The following ENAH variants were observed in gnomAD, a reference collection of about 807,000 sequenced individuals.
ENAH encodes the protein ENAH actin regulator.
A neutral mutation model predicts 78.7 loss-of-function variants in ENAH; 23 were observed. The ratio of observed to expected loss-of-function variants is 0.29; its 90% CI spans 0.21 to 0.41. The LOEUF is 0.41. ENAH is among the 10% of genes least tolerant of loss of function. ENAH has a pLI of 1.00. For synonymous variants in ENAH, 226 were observed against 241.0 expected (o/e 0.94, Z 0.58); for missense variants, 544 against 691.0 (o/e 0.79, Z 2.39).
chr1:225,633,209 AT>A (rs75430674), intron 1 of ENAH, among the ~76,000 whole-genome samples: 822 of 142,066 alleles, frequency 5.8e-3, no homozygotes, highest in African/African-American at 9.1e-3. Flanking sequence ...CACCTGGCTA[AT>A]TTTTTTTTTT....
chr1:225,565,820 AAACTGG>A (rs1218759980), intron 2 of ENAH, among the ~76,000 whole-genome samples: 3 of 152,150 alleles, frequency 2.0e-5, no homozygotes, highest in African/African-American at 7.2e-5. Flanking sequence ...CACAACAAGG[AAACTGG>A]AGCCTAGAGG....
At chr1:225,525,978 A>G (rs1302308464) in intron 4 of ENAH, among the ~76,000 whole-genome samples, 1 of 152,150 alleles carries the variant, frequency 6.6e-6, no homozygotes, top group Non-Finnish European at 1.5e-5. Flanking sequence ...ATACAGCCCT[A>G]GGGCCAAATC....
At chr1:225,583,019 A>T (rs1487360190) in intron 1 of ENAH, among the ~76,000 whole-genome samples, 1 of 152,254 alleles carries the variant, frequency 6.6e-6, no homozygotes, top group Non-Finnish European at 1.5e-5. Flanking sequence ...ATTGTACTGC[A>T]GAAACAAAAG....
intron 1 of ENAH, among the ~76,000 whole-genome samples, chr1:225,606,413 C>T (rs952922637): frequency 2.0e-5 from 3 of 148,448 alleles, no homozygotes; most frequent in Non-Finnish European, 4.5e-5. Context: ...GAGCTGAGAA[C>T]GCACCACTGC....
Position 225,489,001 on chromosome 1 carries a change from G to A in ENAH, c.*8774C>T, listed in dbSNP as rs1246190172. ...AGATATAAAATAAGAAGGGCAGGAGGGTAAGATTATTCCTTTTTTCCTTTC... is the reference window on the plus strand; with the variant it reads ...AGATATAAAATAAGAAGGGCAGGAGAGTAAGATTATTCCTTTTTTCCTTTC... On this transcript the variant is annotated 3_prime_UTR_variant, in exon 14 of 14. Transcript: ENST00000366843. The A allele has an allele frequency of 2.6e-5, 4 of 152,114 alleles. No individual in the cohort carries two copies. The highest frequency in any genetic ancestry group is 1.9e-4 in the East Asian group (1 of 5,192). 9.4% of individuals were successfully genotyped at this position (152,114 alleles called of 1,614,324 possible).
chr1:225,514,480 T>C, intron 7 of ENAH, 116 bp downstream of exon 7: 1 of 944,412 alleles, frequency 1.1e-6, no homozygotes, highest in South Asian at 1.5e-5. Flanking sequence ...TTATTTCAAT[T>C]TTTTAAATCA....
intron 1 of ENAH, among the ~76,000 whole-genome samples, chr1:225,604,579 T>C (rs551247552): frequency 5.4e-4 from 80 of 148,338 alleles, no homozygotes; most frequent in Non-Finnish European, 9.2e-4. Flanking sequence ...AGGTCAGGAG[T>C]TCGAGACCAG....
intron 1 of ENAH, among the ~76,000 whole-genome samples, chr1:225,581,898 C>T (rs1279375920): frequency 6.6e-6 from 1 of 150,574 alleles, no homozygotes; most frequent in African/African-American, 2.4e-5. Flanking sequence ...TGGGATCTCC[C>T]TATCTTGCCA....
intron 1 of ENAH, among the ~76,000 whole-genome samples, chr1:225,602,169 T>G (rs1219662294): frequency 6.6e-6 from 1 of 151,978 alleles, no homozygotes; most frequent in Non-Finnish European, 1.5e-5. Flanking sequence ...TTGAATAGAT[T>G]GAAAGAAAAC....
intron 1 of ENAH, among the ~76,000 whole-genome samples, chr1:225,602,444 A>C (rs2096935658): frequency 6.6e-6 from 1 of 152,186 alleles, no homozygotes; most frequent in Non-Finnish European, 1.5e-5. Context: ...TAAAATACTG[A>C]CTAATCAAAT....
chr1:225,627,989 A>G (rs951539272), intron 1 of ENAH, among the ~76,000 whole-genome samples: 7 of 152,242 alleles, frequency 4.6e-5, no homozygotes, highest in African/African-American at 1.7e-4. Flanking sequence ...CAGTTACTTC[A>G]TGTTTCCAAA....
At chr1:225,580,420 T>C (rs1358157296) in intron 1 of ENAH, among the ~76,000 whole-genome samples, 1 of 152,178 alleles carries the variant, frequency 6.6e-6, no homozygotes, top group Non-Finnish European at 1.5e-5. Flanking sequence ...CAGTTGAGAC[T>C]GCAGCCCTGG....
rs2150993655 is a variant in ENAH at position 225,491,448 on chromosome 1, A to G, written c.*6327T>C. The G allele has an allele frequency of 6.6e-6, 1 of 151,284 alleles. No individual in the cohort carries two copies. Among genetic ancestry groups the G allele is most frequent in the South Asian group, 2.1e-4 (1 of 4,784 alleles). The allele number at this position is 151,284 out of a possible 1,614,324, so 9.4% of individuals were successfully genotyped here. A position where few individuals can be genotyped will look rare whatever the true frequency, so the allele number is the denominator to read the frequency against. On this transcript the variant is annotated 3_prime_UTR_variant, in exon 14 of 14. Coordinates refer to ENST00000366843, the MANE Select transcript of ENAH (RefSeq NM_018212.6). Reference sequence around the variant, plus strand: ...GTGAGCCACCATGCCCGGCCATGAAACATTTATTTTTAAAATGCCTTTAAT... The same window carrying G: ...GTGAGCCACCATGCCCGGCCATGAAGCATTTATTTTTAAAATGCCTTTAAT...
rs1325731389 is a variant in ENAH at position 225,541,655 on chromosome 1, T to C, written c.350-11017A>G. Among the ~76,000 whole-genome samples the C allele has an allele frequency of 3.3e-5, 5 of 152,350 alleles. No individual in the cohort carries two copies. In the East Asian group the frequency reaches 7.7e-4, roughly 23 times the overall value. ...AACACAAAGTTTAAAAATATCCCAATGCCTACTGCTTTTTCCATTTTGAAA... is the reference window on the plus strand; with the variant it reads ...AACACAAAGTTTAAAAATATCCCAACGCCTACTGCTTTTTCCATTTTGAAA... On this transcript the variant is annotated intron_variant, in intron 3 of 13. Coordinates refer to ENST00000366843, the MANE Select transcript of ENAH (RefSeq NM_018212.6).
intron 1 of ENAH, among the ~76,000 whole-genome samples, chr1:225,606,473 A>G (rs2096956229): frequency 6.6e-6 from 1 of 151,982 alleles, no homozygotes; most frequent in Admixed American, 6.6e-5. Context: ...AAAAAAAAAA[A>G]AAGGAATTAC....
intron 7 of ENAH, among the ~76,000 whole-genome samples, 164 bp from the exon 8 acceptor site, chr1:225,513,180 T>C (rs762852598): frequency 6.6e-6 from 1 of 152,244 alleles, no homozygotes; most frequent in Non-Finnish European, 1.5e-5. Flanking sequence ...TGACTTTATA[T>C]ATCAACAAGA....
chr1:225,545,858 A>G (rs184962029), intron 3 of ENAH, among the ~76,000 whole-genome samples: 66 of 151,936 alleles, frequency 4.3e-4, no homozygotes, highest in Admixed American at 4.3e-3. Flanking sequence ...AGAACCAGCA[A>G]GTACATAGTA....
At chr1:225,544,464 AG>A (rs1430850938) in intron 3 of ENAH, among the ~76,000 whole-genome samples, 2 of 152,206 alleles carry the variant, frequency 1.3e-5, no homozygotes, top group African/African-American at 4.8e-5. Context: ...CAGAGAAACA[AG>A]GAAGTAGAGA....
chr1:225,583,589 T>A (rs2096830419), intron 1 of ENAH, among the ~76,000 whole-genome samples: 1 of 151,304 alleles, frequency 6.6e-6, no homozygotes, highest in Non-Finnish European at 1.5e-5. Context: ...GGCGGGTGGA[T>A]CACCTGAGGT....
Sources: gnomAD v4.1 joint callset for allele counts (sites outside exome capture counted in the v4.1 genomes callset) on GRCh38, gnomAD v4.1.1 for gene constraint, MANE v1.5 for transcripts, NCBI Gene and HGNC (gene_info 2026-07-23, HGNC 2026-07-21) for gene names.